Variants in ANKRD6 observed in about 807,000 individuals in gnomAD.
The protein encoded by ANKRD6 is ankyrin repeat domain 6.
ANKRD6 carries 56 observed loss-of-function variants against 82.3 expected under a neutral mutation model. The observed-to-expected ratio is 0.68, with a 90% CI of 0.55 to 0.85. ANKRD6 has a LOEUF of 0.85. Ranked by LOEUF, ANKRD6 falls within the 40% of genes least tolerant of loss-of-function variation. The pLI is 0.00. For missense variants in ANKRD6, 852 were observed against 907.6 expected, an observed-to-expected ratio of 0.94 and a Z score of 0.79; for synonymous variants, 347 against 352.1, an observed-to-expected ratio of 0.99 and a Z score of 0.16.
At chr6:89,511,522 ATCT>A (rs548359625) in intron 1 of ANKRD6, among the ~76,000 whole-genome samples, 1 of 152,226 alleles carries the variant, frequency 6.6e-6, no homozygotes, top group Non-Finnish European at 1.5e-5. Flanking sequence ...TGAGGGCCAG[ATCT>A]GCCATTTATT....
chr6:89,561,757 T>C (rs1787459651), intron 1 of ANKRD6, among the ~76,000 whole-genome samples: 1 of 152,054 alleles, frequency 6.6e-6, no homozygotes. Flanking sequence ...ACTAGTATGA[T>C]GGTTGTATAT....
intron 4 of ANKRD6, among the ~76,000 whole-genome samples, chr6:89,604,233 C>G (rs2128183319): frequency 6.6e-6 from 1 of 152,134 alleles, no homozygotes; most frequent in African/African-American, 2.4e-5. Context: ...GAGGCTGAGG[C>G]AGGAGAATCG....
Position 89,433,335 on chromosome 6 carries a change from C to G in ANKRD6, c.-184C>G, listed in dbSNP as rs938492653. 1 of 152,056 alleles carries G rather than the reference C, an allele frequency of 6.6e-6. No homozygotes were observed. The highest frequency in any genetic ancestry group is 1.5e-5 in the Non-Finnish European group (1 of 68,036). 9.4% of individuals were successfully genotyped at this position (152,056 alleles called of 1,614,324 possible). A position where few individuals can be genotyped will look rare whatever the true frequency, so the allele number is the denominator to read the frequency against. On this transcript the variant is annotated 5_prime_UTR_variant, in exon 1 of 16. Coordinates refer to ENST00000339746, the MANE Select transcript of ANKRD6 (RefSeq NM_001242809.2). This position sits in a 1 kb window ranked among gnomAD's most constrained non-coding sequence, Gnocchi z 4.3. The stretch of plus-strand genomic sequence containing the variant: ...CCTCGCCCCCCACCGTGTCGCCGGC[C>G]TTGGTCCCTGCGGCGCGGACGTCCG...
At chr6:89,607,705 G>C (rs151041648) in intron 5 of ANKRD6, among the ~76,000 whole-genome samples, 1 of 150,044 alleles carries the variant, frequency 6.7e-6, no homozygotes, top group African/African-American at 2.5e-5. Context: ...ACCCAGGCTG[G>C]AGTGCAATGG....
rs188113436 is a variant in ANKRD6, at chr6:89,476,967, C to T, written c.-144+43592C>T. On this transcript the variant is annotated intron_variant, in intron 1 of 15. Transcript: ENST00000339746. ...TTTTGTTTTGTTTTGTTTTTTGAGA[C>T]GGAGTCTCGTTCTGTCGCCCAGGCT... 1.6e-4 allele frequency among the ~76,000 whole-genome samples: 24 copies of T among 152,172 alleles called. 1 individual carries two copies. In the East Asian group the frequency reaches 4.0e-3, roughly 26 times the overall value.
chr6:89,604,695 G>T (rs954345465), intron 4 of ANKRD6, among the ~76,000 whole-genome samples: 1 of 151,942 alleles, frequency 6.6e-6, no homozygotes, highest in Admixed American at 6.6e-5. Context: ...TTGCATCCCC[G>T]CTTTCCTTTG....
chr6:89,583,335 T>C (rs1403288061), intron 2 of ANKRD6, among the ~76,000 whole-genome samples: 1 of 152,212 alleles, frequency 6.6e-6, no homozygotes, highest in African/African-American at 2.4e-5. Context: ...GAAATAAATG[T>C]CTCAAATATG....
At chr6:89,473,823 A>G (rs1198051007) in intron 1 of ANKRD6, among the ~76,000 whole-genome samples, 2 of 151,986 alleles carry the variant, frequency 1.3e-5, no homozygotes, top group Non-Finnish European at 2.9e-5. Context: ...TACTTAAAAA[A>G]AAAAAAATTA....
At chr6:89,540,884 TC>T (rs1474727039) in intron 1 of ANKRD6, among the ~76,000 whole-genome samples, 2 of 152,210 alleles carry the variant, frequency 1.3e-5, no homozygotes, top group Non-Finnish European at 2.9e-5. Flanking sequence ...GAAAAGACGA[TC>T]TTTCCCCCAG....
Position 89,632,722 on chromosome 6 carries a change from G to A in ANKRD6, c.*1718G>A, listed in dbSNP as rs553109360. 23 of 152,324 alleles carry A rather than the reference G, an allele frequency of 1.5e-4. No individual in the cohort carries two copies. Among genetic ancestry groups the A allele is most frequent in the African/African-American group, 5.3e-4 (22 of 41,568 alleles). The allele number at this position is 152,324 out of a possible 1,614,324, so 9.4% of individuals were successfully genotyped here. ...ACAGTCTTCCCCCAGAGACTCATTA[G>A]ATTGCAATATAGAGGCACTTTCTCA... On this transcript the variant is annotated 3_prime_UTR_variant, in exon 16 of 16. Transcript: ENST00000339746.
chr6:89,547,607 T>C (rs918853125), intron 1 of ANKRD6, among the ~76,000 whole-genome samples: 4 of 152,170 alleles, frequency 2.6e-5, no homozygotes, highest in African/African-American at 9.7e-5. Flanking sequence ...CCCTCAGTAT[T>C]AGTTGCTGTT....
intron 1 of ANKRD6, among the ~76,000 whole-genome samples, chr6:89,461,167 GC>G (rs1473309443): frequency 6.6e-6 from 1 of 152,148 alleles, no homozygotes; most frequent in Non-Finnish European, 1.5e-5. Context: ...GTCAGTCTCT[GC>G]CTCCTGAAGT....
At chr6:89,565,334 C>A (rs1788257204) in intron 1 of ANKRD6, 1 of 152,192 alleles carries the variant, frequency 6.6e-6, no homozygotes, top group Non-Finnish European at 1.5e-5. Context: ...GCGAGAGTTC[C>A]TCTCTCTTTT....
At chr6:89,587,520 A>G (rs2128132170) in intron 2 of ANKRD6, among the ~76,000 whole-genome samples, 1 of 152,278 alleles carries the variant, frequency 6.6e-6, no homozygotes. Context: ...TCTCTTATCA[A>G]TTAAACCCAA....
intron 1 of ANKRD6, among the ~76,000 whole-genome samples, chr6:89,504,372 C>T (rs1779599249): frequency 6.6e-6 from 1 of 152,118 alleles, no homozygotes; most frequent in African/African-American, 2.4e-5. Flanking sequence ...TATTGAGACT[C>T]TTGTTGTAGG....
rs367669096 is a variant in ANKRD6 at position 89,449,164 on chromosome 6, G to T, written c.-144+15789G>T. Among the ~76,000 whole-genome samples the T allele has an allele frequency of 9.2e-5, 14 of 152,090 alleles. No individual in the cohort carries two copies. In the East Asian group the frequency reaches 1.5e-3, roughly 17 times the overall value. ...GATTCACCTTTGTAGATGCCATTAA[G>T]AACATTCATGATTCATGAGAGGAGG... On this transcript the variant is annotated intron_variant, in intron 1 of 15. Transcript: ENST00000339746.
At chr6:89,599,698 C>A (rs894395627) in intron 3 of ANKRD6, among the ~76,000 whole-genome samples, 1 of 152,156 alleles carries the variant, frequency 6.6e-6, no homozygotes, top group African/African-American at 2.4e-5. Context: ...AAGATGATAA[C>A]CTGAGGCAGC....
chr6:89,436,208 G>A (rs1770616127), intron 1 of ANKRD6, among the ~76,000 whole-genome samples: 1 of 152,212 alleles, frequency 6.6e-6, no homozygotes, highest in African/African-American at 2.4e-5. Flanking sequence ...CCGTATGTGT[G>A]TGCCTATACT....
chr6:89,437,691 C>T (rs573786659), intron 1 of ANKRD6, among the ~76,000 whole-genome samples: 4 of 152,204 alleles, frequency 2.6e-5, no homozygotes, highest in East Asian at 1.9e-4. Context: ...TGTTTCATAT[C>T]CAGTGATACA....
Sources: gnomAD v4.1 joint callset for allele counts (sites outside exome capture counted in the v4.1 genomes callset) on GRCh38, gnomAD v4.1.1 for gene constraint, Gnocchi (gnomAD v3.1) non-coding constraint, MANE v1.5 for transcripts, NCBI Gene and HGNC (gene_info 2026-07-23, HGNC 2026-07-21) for gene names.